The following KIR3DL2 variants were observed in gnomAD, a reference collection of about 807,000 sequenced individuals.
KIR3DL2 encodes killer cell immunoglobulin like receptor, three Ig domains and long cytoplasmic tail 2, also known as killer cell immunoglobulin-like receptor 3DL2.
In KIR3DL2, 42 loss-of-function variants were observed where a neutral mutation model predicts 41.6. The ratio of observed to expected loss-of-function variants is 1.01; its 90% confidence interval spans 0.79 to 1.31. KIR3DL2 has a LOEUF of 1.31. Among genes scored for constraint, KIR3DL2 ranks in the 50% most tolerant of loss-of-function variants. The probability of loss-of-function intolerance (pLI) is 0.00; values close to 1 mark genes in which losing one functional copy is unlikely to be tolerated. For missense variants in KIR3DL2, 728 were observed against 576.8 expected (o/e 1.26, Z -2.68); for synonymous variants, 230 against 221.3 (o/e 1.04, Z -0.35).
At chr19:54,854,072 A>C in intron 4 of KIR3DL2, 26 bp downstream of exon 4, 7 of 1,609,320 alleles carry the variant, frequency 4.3e-6, no homozygotes, top group Non-Finnish European at 5.9e-6. Context: ...CATTCTTCTC[A>C]TTGTCATTGG....
In KIR3DL2 at chr19:54,859,067, C is replaced by A; in HGVS notation, c.950-12C>A. 6.2e-7 allele frequency: 1 copy of A among 1,613,632 alleles called. No homozygotes were observed. Among genetic ancestry groups the A allele is most frequent in the Non-Finnish European group, 8.5e-7 (1 of 1,179,684 alleles). On this transcript the variant is annotated splice_polypyrimidine_tract_variant and intron_variant, in intron 5 of 8. Coordinates refer to ENST00000326321, the MANE Select transcript of KIR3DL2 (RefSeq NM_006737.4). ...CCTCATTTCCTCACATCTCTCCTGTCCCGTGTTCTAGGAAACCCTTCAAGT... is the reference window on the plus strand; with the variant it reads ...CCTCATTTCCTCACATCTCTCCTGTACCGTGTTCTAGGAAACCCTTCAAGT...
Position 54,851,878 on chromosome 19 carries a change from C to T in KIR3DL2, c.71-120C>T, listed in dbSNP as rs1380848432. The T allele has an allele frequency of 7.0e-6, 9 of 1,278,700 alleles. No individual in the cohort carries two copies. The East Asian group carries it at 1.6e-4, about 22-fold the overall frequency. The allele number at this position is 1,278,700 out of a possible 1,614,324, so 79.2% of individuals were successfully genotyped here. A position where few individuals can be genotyped will look rare whatever the true frequency, so the allele number is the denominator to read the frequency against. ...ATGTGGGGTGGGTCCTTCCTGTAGC[C>T]CTGGGCACCCAGGTGTGGTAGGAGC... On this transcript the variant is annotated intron_variant, in intron 2 of 8. Coordinates refer to ENST00000326321, the MANE Select transcript of KIR3DL2 (RefSeq NM_006737.4).
At chr19:54,861,224 T>TC (rs2065156190) in intron 6 of KIR3DL2, among the ~76,000 whole-genome samples, 1 of 144,768 alleles carries the variant, frequency 6.9e-6, no homozygotes, top group East Asian at 2.0e-4. Flanking sequence ...GGGTTTAATT[T>TC]TTCCTGGTAG....
chr19:54,855,252 GTAGA>G (rs1399188615), intron 4 of KIR3DL2, among the ~76,000 whole-genome samples: 1 of 150,616 alleles, frequency 6.6e-6, no homozygotes, highest in East Asian at 1.9e-4. Flanking sequence ...CAGATAATTT[GTAGA>G]TAGACACAAA....
intron 6 of KIR3DL2, among the ~76,000 whole-genome samples, chr19:54,864,300 A>G (rs1276377615): frequency 2.0e-5 from 3 of 152,110 alleles, no homozygotes; most frequent in African/African-American, 7.2e-5. Flanking sequence ...TGATGCCTCC[A>G]GCTTTGTTCT....
chr19:54,859,213 C>G (rs942554314), intron 6 of KIR3DL2, 84 bp downstream of exon 6: 78 of 1,237,752 alleles, frequency 6.3e-5, no homozygotes, highest in Non-Finnish European at 8.9e-5. Context: ...TCAAACCTCC[C>G]AGCTCTGTGA....
intron 3 of KIR3DL2, 128 bp downstream of exon 3, chr19:54,852,410 C>T: frequency 7.9e-7 from 1 of 1,264,554 alleles, no homozygotes; most frequent in Non-Finnish European, 1.1e-6. Flanking sequence ...AGATTGAATA[C>T]AGGGGAAATG....
chr19:54,851,952 T>C (rs71367114), intron 2 of KIR3DL2, 46 bp from the exon 3 acceptor site: 238,611 of 1,583,882 alleles, frequency 0.15, 19,638 homozygotes, highest in African/African-American at 0.22. Flanking sequence ...GAGGGAGGGG[T>C]GGCTCCACAT....
intron 6 of KIR3DL2, among the ~76,000 whole-genome samples, chr19:54,859,888 C>T (rs1228495167): frequency 1.3e-5 from 2 of 151,976 alleles, no homozygotes; most frequent in Non-Finnish European, 2.9e-5. Context: ...TGGTACCCTT[C>T]CTCCTTCCTC....
At chr19:54,860,807 G>C (rs113672844) in intron 6 of KIR3DL2, among the ~76,000 whole-genome samples, 7,583 of 98,320 alleles carry the variant, frequency 0.077, 137 homozygotes, top group East Asian at 0.29. Flanking sequence ...GAAGGATTTT[G>C]CACACACAGC....
intron 7 of KIR3DL2, 91 bp downstream of exon 7, chr19:54,866,000 TG>T: frequency 8.1e-7 from 1 of 1,229,958 alleles, no homozygotes; most frequent in Non-Finnish European, 1.2e-6. Context: ...ACTGGCAGGA[TG>T]GTCCCTGGCC....
chr19:54,864,804 C>A (rs927808070), intron 6 of KIR3DL2, among the ~76,000 whole-genome samples: 9 of 151,762 alleles, frequency 5.9e-5, no homozygotes, highest in Non-Finnish European at 1.2e-4. Flanking sequence ...CATCTGCAAA[C>A]AGGGACAATT....
chr19:54,851,339 T>G, intron 2 of KIR3DL2, 84 bp downstream of exon 2: 4 of 1,471,046 alleles, frequency 2.7e-6, no homozygotes, highest in Non-Finnish European at 3.8e-6. Flanking sequence ...TGTCGGGGAG[T>G]CTCTCATAAA....
In KIR3DL2 at chr19:54,866,917, G is replaced by C. The variant is rs1198851282; in HGVS notation, c.*186G>C. 1.5e-6 allele frequency: 1 copy of C among 688,492 alleles called. No homozygotes were observed. The highest frequency in any genetic ancestry group is 2.9e-5 in the Admixed American group (1 of 34,506). The allele number at this position is 688,492 out of a possible 1,614,324, so 42.6% of individuals were successfully genotyped here. On this transcript the variant is annotated 3_prime_UTR_variant, in exon 9 of 9. Coordinates refer to ENST00000326321, the MANE Select transcript of KIR3DL2 (RefSeq NM_006737.4). ...TGCTGCAGAGAAAACACACTCCTTTGCTTAGCCCACAAGTATCTATTTCAC... is the reference window on the plus strand; with the variant it reads ...TGCTGCAGAGAAAACACACTCCTTTCCTTAGCCCACAAGTATCTATTTCAC...
At chr19:54,861,072 A>G (rs587671) in intron 6 of KIR3DL2, among the ~76,000 whole-genome samples, 30,879 of 120,742 alleles carry the variant, frequency 0.26, 1,686 homozygotes, top group Admixed American at 0.28. Flanking sequence ...GCTCAGTTGC[A>G]TAACTGGAAT....
At position 54,855,864 on chromosome 19, in the gene KIR3DL2, C is replaced by T; in HGVS notation, c.901C>T (p.Pro301Ser). The T allele has an allele frequency of 6.2e-7, 1 of 1,613,572 alleles. No individual in the cohort carries two copies. The highest frequency in any genetic ancestry group is 8.5e-7 in the Non-Finnish European group (1 of 1,179,952). The change falls in exon 5 of 9, where the codon CCC becomes TCC. Residue 301 changes from proline (P) to serine (S), a missense_variant. Physicochemically the swap from Pro to Ser is moderately conservative, Grantham distance 74. Coordinates refer to ENST00000326321, the MANE Select transcript of KIR3DL2 (RefSeq NM_006737.4). ...YRCFGSFRAL[P>S]CVWSNSSDPL... ...ATGCTTCGGCTCTTTCCGTGCCCTGCCCTGCGTGTGGTCAAACTCAAGTGA... is the reference window on the plus strand; with the variant it reads ...ATGCTTCGGCTCTTTCCGTGCCCTGTCCTGCGTGTGGTCAAACTCAAGTGA...
chr19:54,865,920 C>G lies in KIR3DL2; in HGVS notation c.1105+11C>G, dbSNP rs376801942. On this transcript the variant is annotated intron_variant, in intron 7 of 8. Coordinates refer to ENST00000326321, the MANE Select transcript of KIR3DL2 (RefSeq NM_006737.4). ...GCTCCAACAAAAAGAGTAAGTCTCA[C>G]GAAGCAGAGGCCAGAGAGCTCAGGG... 6.9e-6 allele frequency: 11 copies of G among 1,604,708 alleles called. No individual in the cohort carries two copies. Among genetic ancestry groups the G allele is most frequent in the South Asian group, 5.5e-5 (5 of 90,912 alleles).
chr19:54,866,037 C>T, intron 7 of KIR3DL2, 128 bp downstream of exon 7: 3 of 877,298 alleles, frequency 3.4e-6, no homozygotes, highest in Non-Finnish European at 5.4e-6. Flanking sequence ...AGAGGCAGGG[C>T]TTTCTAGAGA....
At position 54,865,848 on chromosome 19, in the gene KIR3DL2, C is replaced by T. The variant is rs1359951579; in HGVS notation, c.1044C>T (p.Val348=). 2 of 1,613,848 alleles carry T rather than the reference C, an allele frequency of 1.2e-6. No homozygotes were observed. Among genetic ancestry groups the T allele is most frequent in the Non-Finnish European group, 1.7e-6 (2 of 1,179,862 alleles). ...ATGTTCTGATTGGGACCTCAGTGGT[C>T]ATCTTCCTCTTCATCCTCCTCCTCT... ...HLHVLIGTSV[V]IFLFILLLFF... Residue 348 remains valine (V), a synonymous_variant, in exon 7 of 9, where the codon GTC becomes GTT. Transcript: ENST00000326321.
Sources: gnomAD v4.1 joint callset for allele counts (sites outside exome capture counted in the v4.1 genomes callset) on GRCh38, gnomAD v4.1.1 for gene constraint, MANE v1.5 for transcripts, NCBI Gene and HGNC (gene_info 2026-07-23, HGNC 2026-07-21) for gene names.